Variants in PKP4 observed in about 807,000 individuals in gnomAD.
PKP4 encodes plakophilin 4.
A neutral mutation model predicts 145.1 loss-of-function variants in PKP4; 90 were observed. That is an observed-to-expected ratio of 0.62 (90% CI 0.52 to 0.74). The LOEUF (loss-of-function observed/expected upper bound fraction) is 0.74, where lower values mean the gene tolerates loss of function less well. PKP4 is among the 30% of genes least tolerant of loss of function. The pLI is 0.00. For synonymous variants in PKP4, 563 were observed against 577.2 expected (o/e 0.98, Z 0.35); for missense variants, 1,340 against 1,482.7 (o/e 0.90, Z 1.58).
intron 1 of PKP4, among the ~76,000 whole-genome samples, chr2:158,466,542 C>CAA (rs1223399534): frequency 1.4e-5 from 2 of 138,590 alleles, no homozygotes; most frequent in African/African-American, 5.3e-5. Flanking sequence ...ACTAAAAATA[C>CAA]AAAAAAAAAA....
In PKP4 at chr2:158,487,774, TG is replaced by T. The variant is rs1694377728; in HGVS notation, c.-6+30557del. 4.4e-5 allele frequency among the ~76,000 whole-genome samples: 6 copies of T among 134,922 alleles called. 1 individual carries two copies. The South Asian group carries it at 1.4e-3, about 31-fold the overall frequency. 88.5% of individuals were successfully genotyped at this position (134,922 alleles called of 152,430 possible). A position where few individuals can be genotyped will look rare whatever the true frequency, so the allele number is the denominator to read the frequency against. On this transcript the variant is annotated intron_variant, in intron 1 of 21. Coordinates refer to ENST00000389759, the MANE Select transcript of PKP4 (RefSeq NM_003628.6). The stretch of plus-strand genomic sequence containing the variant: ...AGAGACTTGATGGTGAAAGAAAGAC[TG>T]AGAGAGAGAGAGAGAGAGAAGAGAG...
chr2:158,605,310 G>A (rs985889478), intron 4 of PKP4, among the ~76,000 whole-genome samples: 1 of 152,098 alleles, frequency 6.6e-6, no homozygotes, highest in Non-Finnish European at 1.5e-5. Context: ...CCTAGAAAAT[G>A]CCCAACCTTT....
chr2:158,603,135 T>C, intron 4 of PKP4, 31 bp downstream of exon 4: 1 of 1,258,682 alleles, frequency 7.9e-7, no homozygotes, highest in Non-Finnish European at 1.1e-6. Context: ...AAGTTATGTT[T>C]GATAAACACA....
chr2:158,482,831 A>T (rs1693564219), intron 1 of PKP4, among the ~76,000 whole-genome samples: 1 of 151,966 alleles, frequency 6.6e-6, no homozygotes, highest in Non-Finnish European at 1.5e-5. Context: ...TTGCTTCAAA[A>T]AAAAAAAAAG....
chr2:158,566,313 A>G (rs962374748), intron 2 of PKP4, among the ~76,000 whole-genome samples: 2 of 152,080 alleles, frequency 1.3e-5, no homozygotes, highest in Non-Finnish European at 2.9e-5. Flanking sequence ...GTTTTCATTA[A>G]CTAGTCTACG....
At chr2:158,578,208 A>G in intron 3 of PKP4, 1 of 250,146 alleles carries the variant, frequency 4.0e-6, no homozygotes, top group Non-Finnish European at 8.7e-6. Context: ...TTCTTAGTGA[A>G]TAGAATTCTG....
intron 1 of PKP4, among the ~76,000 whole-genome samples, chr2:158,483,082 C>G (rs1693609929): frequency 6.6e-6 from 1 of 152,044 alleles, no homozygotes; most frequent in African/African-American, 2.4e-5. Flanking sequence ...GAGCAGTTAG[C>G]TGTCTGTTCA....
rs753113354 is a variant in PKP4 at position 158,631,847 on chromosome 2, G to A, written c.1248G>A (p.Glu416=). Residue 416 remains glutamate (E), a synonymous_variant, in exon 8 of 22, where the codon GAG becomes GAA. Transcript: ENST00000389759. ...ACTTGCACATTACTCCTATATATGA[G>A]GGGAGGACCTATTACAGCCCAGTGT... The part of the protein sequence containing the change: ...SPDLHITPIY[E]GRTYYSPVYR... The A allele has an allele frequency of 4.3e-5, 70 of 1,613,964 alleles. No homozygotes were observed. Among genetic ancestry groups the A allele is most frequent in the Non-Finnish European group, 5.8e-5 (68 of 1,179,978 alleles).
intron 17 of PKP4, among the ~76,000 whole-genome samples, chr2:158,673,106 T>TATGCTTAAGCAGAGCACCAGCATTTGCAA (rs1471091254): frequency 6.6e-6 from 1 of 152,182 alleles, no homozygotes; most frequent in Non-Finnish European, 1.5e-5. Flanking sequence ...TCCAGTTGGC[T>TATGCTTAAGCAGAGCACCAGCATTTGCAA]ATGCTTAAGC....
At position 158,640,738 on chromosome 2, in the gene PKP4, T is replaced by G; in HGVS notation, c.1674T>G (p.Gly558=). The change falls in exon 10 of 22, where the codon GGT becomes GGG. Residue 558 remains glycine, a synonymous_variant. Transcript: ENST00000389759. ...CCTACCTGCAGCACCTGTGCTTTGG[T>G]GACAACAAAGTGAAGATGGAGGTAC... The part of the protein sequence containing the change: ...AAAYLQHLCF[G]DNKVKMEVCR... 1 of 1,614,106 alleles carries G rather than the reference T, an allele frequency of 6.2e-7. No individual in the cohort carries two copies.
At chr2:158,473,997 A>G (rs952253571) in intron 1 of PKP4, among the ~76,000 whole-genome samples, 2 of 152,170 alleles carry the variant, frequency 1.3e-5, no homozygotes, top group African/African-American at 2.4e-5. Flanking sequence ...AATGAATTAT[A>G]TTTATTATAT....
intron 17 of PKP4, among the ~76,000 whole-genome samples, chr2:158,671,055 G>C (rs914009860): frequency 6.6e-6 from 1 of 152,146 alleles, no homozygotes; most frequent in Non-Finnish European, 1.5e-5. Flanking sequence ...TGCTGTGGAA[G>C]TTATGTCTTC....
At chr2:158,461,738 T>TA (rs1476783661) in intron 1 of PKP4, among the ~76,000 whole-genome samples, 3 of 152,190 alleles carry the variant, frequency 2.0e-5, no homozygotes, top group Non-Finnish European at 2.9e-5. Context: ...TCCTCTCCAC[T>TA]AAATATAAAT....
intron 7 of PKP4, among the ~76,000 whole-genome samples, chr2:158,626,118 T>C (rs1233151917): frequency 6.6e-6 from 1 of 152,246 alleles, no homozygotes; most frequent in Non-Finnish European, 1.5e-5. Context: ...AAGTAACATA[T>C]ACAGAATGGT....
chr2:158,509,510 G>C (rs1328625473), intron 1 of PKP4, among the ~76,000 whole-genome samples: 1 of 152,134 alleles, frequency 6.6e-6, no homozygotes, highest in African/African-American at 2.4e-5. Context: ...TGAGACATAA[G>C]ACAATCAAGA....
At position 158,640,767 on chromosome 2, in the gene PKP4, A is replaced by T; in HGVS notation, c.1695+8A>T. On this transcript the variant is annotated splice_region_variant and intron_variant, in intron 10 of 21. Coordinates refer to ENST00000389759, the MANE Select transcript of PKP4 (RefSeq NM_003628.6). Reference sequence around the variant, plus strand: ...AACAAAGTGAAGATGGAGGTACAGGACATGGTGCCTGGGATGACTGGGGAA... The same window carrying T: ...AACAAAGTGAAGATGGAGGTACAGGTCATGGTGCCTGGGATGACTGGGGAA... 1 of 1,613,952 alleles carries T rather than the reference A, an allele frequency of 6.2e-7. No homozygotes were observed. The highest frequency in any genetic ancestry group is 8.5e-7 in the Non-Finnish European group (1 of 1,179,832).
At chr2:158,648,858 G>A (rs1468178323) in intron 11 of PKP4, among the ~76,000 whole-genome samples, 1 of 151,356 alleles carries the variant, frequency 6.6e-6, no homozygotes, top group Non-Finnish European at 1.5e-5. Context: ...AATTAGCCAG[G>A]TGTGGTGGCA....
rs113783034 is a variant in PKP4, at chr2:158,658,252, T to C, written c.2031T>C (p.Asp677=). ...PHSGWNNSSF[D]DDHKIKFQTS... ...CTGGATGGAATAACTCTTCTTTTGATGATGATCATAAAATTAAATTTCAGA... is the reference window on the plus strand; with the variant it reads ...CTGGATGGAATAACTCTTCTTTTGACGATGATCATAAAATTAAATTTCAGA... The change falls in exon 12 of 22, where the codon GAT becomes GAC. Residue 677 remains aspartate, a synonymous_variant. Transcript: ENST00000389759. 1.1e-4 allele frequency: 171 copies of C among 1,607,274 alleles called. No individual in the cohort carries two copies. In the African/African-American group the frequency reaches 1.9e-3, roughly 18 times the overall value.
At chr2:158,653,947 T>G (rs890955083) in intron 11 of PKP4, among the ~76,000 whole-genome samples, 6 of 152,222 alleles carry the variant, frequency 3.9e-5, no homozygotes, top group Admixed American at 2.6e-4. Context: ...AGAACATTGT[T>G]TTAGTGAGGT....
Sources: gnomAD v4.1 joint callset for allele counts (sites outside exome capture counted in the v4.1 genomes callset) on GRCh38, gnomAD v4.1.1 for gene constraint, MANE v1.5 for transcripts, NCBI Gene and HGNC (gene_info 2026-07-23, HGNC 2026-07-21) for gene names.